Variants in PSMD14 observed in about 807,000 individuals in gnomAD.
PSMD14 encodes the protein proteasome 26S subunit, non-ATPase 14, also known as ubiquitin C-terminal hydrolase PSMD14.
Under a neutral mutation model 41.2 loss-of-function variants are expected in PSMD14, and 7 were observed. That is an observed-to-expected ratio of 0.17 (90% CI 0.10 to 0.32). PSMD14 has a LOEUF of 0.32. Ranked by LOEUF, PSMD14 falls within the 10% of genes least tolerant of loss-of-function variation. PSMD14 has a pLI of 1.00. For missense variants in PSMD14, 139 were observed against 375.6 expected (o/e 0.37, Z 5.21); for synonymous variants, 114 against 122.3 (o/e 0.93, Z 0.45).
At chr2:161,345,073 A>G (rs1683020896) in intron 3 of PSMD14, among the ~76,000 whole-genome samples, 1 of 152,074 alleles carries the variant, frequency 6.6e-6, no homozygotes, top group Non-Finnish European at 1.5e-5. Flanking sequence ...GGGAGTCCAA[A>G]TTTATGCTTC....
chr2:161,364,587 G>T (rs1041719439), intron 3 of PSMD14, among the ~76,000 whole-genome samples: 1 of 152,008 alleles, frequency 6.6e-6, no homozygotes, highest in African/African-American at 2.4e-5. Flanking sequence ...TCTTTAATGG[G>T]GTTTTCTTCT....
At chr2:161,360,156 C>CT (rs1683269195) in intron 3 of PSMD14, among the ~76,000 whole-genome samples, 1 of 150,490 alleles carries the variant, frequency 6.6e-6, no homozygotes, top group South Asian at 2.1e-4. Context: ...AGATAAACAG[C>CT]TTTTTTCCAC....
At chr2:161,397,016 A>G (rs183547434) in intron 10 of PSMD14, among the ~76,000 whole-genome samples, 70 of 152,174 alleles carry the variant, frequency 4.6e-4, no homozygotes, top group Admixed American at 1.6e-3. Flanking sequence ...TTTAGTAGAG[A>G]CGGGGTTTCA....
intron 3 of PSMD14, among the ~76,000 whole-genome samples, chr2:161,330,742 G>C (rs1014682155): frequency 2.6e-5 from 4 of 152,174 alleles, no homozygotes; most frequent in Non-Finnish European, 5.9e-5. Context: ...TGTTGCCCGT[G>C]ATTGCACAGG....
intron 7 of PSMD14, among the ~76,000 whole-genome samples, chr2:161,379,132 T>C (rs1683541716): frequency 1.3e-5 from 2 of 152,020 alleles, no homozygotes. Context: ...TTATATGGAA[T>C]TGGCAACAGG....
chr2:161,347,581 T>G (rs1431061131), intron 3 of PSMD14, among the ~76,000 whole-genome samples: 1 of 152,226 alleles, frequency 6.6e-6, no homozygotes, highest in East Asian at 1.9e-4. Context: ...GAAACCAGAT[T>G]AACAGAAAGT....
intron 3 of PSMD14, among the ~76,000 whole-genome samples, chr2:161,336,685 C>T (rs573509941): frequency 3.3e-5 from 5 of 152,134 alleles, no homozygotes; most frequent in African/African-American, 4.8e-5. Flanking sequence ...AAGTGATTCT[C>T]CTGCCTCAGC....
At chr2:161,370,323 C>T in intron 6 of PSMD14, 146 bp downstream of exon 6, 1 of 621,554 alleles carries the variant, frequency 1.6e-6, no homozygotes, top group Non-Finnish European at 2.7e-6. Flanking sequence ...CAGTGCCATG[C>T]ACCACCTGTC....
At chr2:161,340,323 G>C (rs1370752445) in intron 3 of PSMD14, among the ~76,000 whole-genome samples, 2 of 152,204 alleles carry the variant, frequency 1.3e-5, no homozygotes, top group Non-Finnish European at 2.9e-5. Context: ...CAGGGAAAAG[G>C]GTCGGCTGAC....
chr2:161,367,710 G>A (rs1446677126), intron 4 of PSMD14, 74 bp from the exon 5 acceptor site: 2 of 1,534,014 alleles, frequency 1.3e-6, no homozygotes, highest in South Asian at 2.5e-5. Flanking sequence ...ACAAAATTTG[G>A]TTTTTGTTTT....
At chr2:161,355,351 A>G (rs1683180866) in intron 3 of PSMD14, among the ~76,000 whole-genome samples, 2 of 151,876 alleles carry the variant, frequency 1.3e-5, no homozygotes, top group African/African-American at 4.9e-5. Flanking sequence ...TACTAAAGTC[A>G]GTACTTTCAG....
At chr2:161,311,776 G>A (rs995236350) in intron 1 of PSMD14, among the ~76,000 whole-genome samples, 10 of 151,520 alleles carry the variant, frequency 6.6e-5, no homozygotes, top group African/African-American at 9.7e-5. Context: ...CATCACGCCC[G>A]GCTAGTTTTT....
chr2:161,410,349 AG>A (rs1212217408), intron 11 of PSMD14, among the ~76,000 whole-genome samples: 1 of 152,084 alleles, frequency 6.6e-6, no homozygotes, highest in Non-Finnish European at 1.5e-5. Flanking sequence ...GGGTTAGAAA[AG>A]CATGGCCAAG....
intron 3 of PSMD14, among the ~76,000 whole-genome samples, chr2:161,362,643 G>T (rs1433445710): frequency 6.6e-6 from 1 of 152,068 alleles, no homozygotes; most frequent in Non-Finnish European, 1.5e-5. Flanking sequence ...TTTACTTTCA[G>T]TTTTTTACCT....
intron 10 of PSMD14, among the ~76,000 whole-genome samples, chr2:161,399,750 AG>A (rs1559055213): frequency 2.6e-5 from 4 of 152,306 alleles, no homozygotes; most frequent in Admixed American, 2.0e-4. Context: ...GAATTTTTTT[AG>A]GAAAATATAC....
intron 10 of PSMD14, chr2:161,407,682 C>G (rs181528326): frequency 6.6e-6 from 1 of 152,084 alleles, no homozygotes; most frequent in Non-Finnish European, 1.5e-5. Context: ...AATTTGGCAG[C>G]TGTGAGATTA....
intron 3 of PSMD14, among the ~76,000 whole-genome samples, chr2:161,361,795 A>G (rs1001943859): frequency 6.6e-6 from 1 of 152,192 alleles, no homozygotes; most frequent in African/African-American, 2.4e-5. Flanking sequence ...TATCTCATTG[A>G]CAAATTTTGC....
At chr2:161,363,171 G>A (rs903564100) in intron 3 of PSMD14, among the ~76,000 whole-genome samples, 4 of 152,158 alleles carry the variant, frequency 2.6e-5, no homozygotes, top group African/African-American at 9.7e-5. Context: ...TAGGTTGCAT[G>A]CTCCATCTAT....
chr2:161,407,341 T>C (rs1411078635), intron 10 of PSMD14, among the ~76,000 whole-genome samples: 1 of 152,150 alleles, frequency 6.6e-6, no homozygotes, highest in Non-Finnish European at 1.5e-5. Context: ...GCATATTCTC[T>C]GTCTAGATTT....
Sources: allele counts gnomAD v4.1 joint callset (sites outside exome capture counted in the v4.1 genomes callset), GRCh38; gene constraint gnomAD v4.1.1; transcripts MANE v1.5; gene names NCBI Gene and HGNC (gene_info 2026-07-23, HGNC 2026-07-21).